Variants in ANKEF1 observed in about 807,000 individuals in gnomAD.
The protein encoded by ANKEF1 is ankyrin repeat and EF-hand domain-containing protein 1.
Under a neutral mutation model 65.1 loss-of-function variants are expected in ANKEF1, and 43 were observed. That is an observed-to-expected ratio of 0.66 (90% CI 0.52 to 0.85). ANKEF1 has a LOEUF of 0.85. Ranked by LOEUF, ANKEF1 falls within the 40% of genes least tolerant of loss-of-function variation. The probability of loss-of-function intolerance (pLI) is 0.00; values close to 1 mark genes in which losing one functional copy is unlikely to be tolerated. For synonymous variants in ANKEF1, 316 were observed against 341.5 expected, an observed-to-expected ratio of 0.93 and a Z score of 0.82; for missense variants, 934 against 952.9, an observed-to-expected ratio of 0.98 and a Z score of 0.26.
chr20:10,052,008 A>C, intron 8 of ANKEF1, 119 bp downstream of exon 8: 1 of 740,832 alleles, frequency 1.3e-6, no homozygotes. Context: ...TGGTACAAAC[A>C]CAAGCCTGAG....
chr20:10,053,381 T>G, intron 9 of ANKEF1, 106 bp downstream of exon 9: 7 of 926,928 alleles, frequency 7.6e-6, no homozygotes, highest in Non-Finnish European at 1.1e-5. Context: ...ATGGGTAAGA[T>G]AATATGCAGT....
chr20:10,045,947 T>C (rs1213785095), intron 6 of ANKEF1, among the ~76,000 whole-genome samples: 1 of 152,150 alleles, frequency 6.6e-6, no homozygotes, highest in Non-Finnish European at 1.5e-5. Flanking sequence ...CTAAAGGGGA[T>C]TGTTCCTGAG....
rs144689037 is a variant in ANKEF1 at position 10,045,134 on chromosome 20, G to C, written c.697-440G>C. On this transcript the variant is annotated intron_variant, in intron 5 of 10. Transcript: ENST00000378392. ...ATCTTCATTTATATCACTATTTTCCGTGCAATAAAAGTATACACAAAGATA... is the reference window on the plus strand; with the variant it reads ...ATCTTCATTTATATCACTATTTTCCCTGCAATAAAAGTATACACAAAGATA... Among the ~76,000 whole-genome samples the C allele has an allele frequency of 6.1e-4, 93 of 151,730 alleles. 2 individuals are homozygous for C. The South Asian group carries it at 0.012, about 20-fold the overall frequency.
intron 5 of ANKEF1, among the ~76,000 whole-genome samples, 169 bp from the exon 6 acceptor site, chr20:10,045,405 C>T (rs183824654): frequency 6.6e-6 from 1 of 152,238 alleles, no homozygotes; most frequent in Non-Finnish European, 1.5e-5. Flanking sequence ...GCTAGTGAAA[C>T]AAACAAATGA....
intron 5 of ANKEF1, 120 bp downstream of exon 5, chr20:10,044,663 TG>T: frequency 1.2e-6 from 1 of 842,158 alleles, no homozygotes; most frequent in South Asian, 3.4e-5. Flanking sequence ...TTACCTATGT[TG>T]TTTTCATCTT....
At chr20:10,047,872 A>G (rs1282918843) in intron 6 of ANKEF1, among the ~76,000 whole-genome samples, 2 of 152,244 alleles carry the variant, frequency 1.3e-5, no homozygotes, top group African/African-American at 4.8e-5. Context: ...GGAGTCTTTT[A>G]TACACATGGA....
rs1423827536 is a variant in ANKEF1, at chr20:10,049,581, G to A, written c.1012G>A (p.Ala338Thr). ...GCACGATTGGTCCGTAGAACGTGAG[G>A]CTTTCCTCCGGGAAGCCTTTGCGGT... ...RLHDWSVEREAFLREAFAVLD... is the reference protein window; with the variant it reads ...RLHDWSVERETFLREAFAVLD... Residue 338 changes from alanine (A) to threonine (T), a missense_variant, in exon 7 of 11, where the codon GCT becomes ACT. Physicochemically the swap from Ala to Thr is moderately conservative, Grantham distance 58 (BLOSUM62 0). Coordinates refer to ENST00000378392, the MANE Select transcript of ANKEF1 (RefSeq NM_022096.6). 1 of 1,614,154 alleles carries A rather than the reference G, an allele frequency of 6.2e-7. No individual in the cohort carries two copies. Among genetic ancestry groups the A allele is most frequent in the Non-Finnish European group, 8.5e-7 (1 of 1,180,016 alleles).
At chr20:10,048,373 G>T (rs980500880) in intron 6 of ANKEF1, among the ~76,000 whole-genome samples, 1 of 151,836 alleles carries the variant, frequency 6.6e-6, no homozygotes, top group African/African-American at 2.4e-5. Context: ...CTCTAGAATG[G>T]GGTATCCATC....
chr20:10,047,498 T>C (rs2024802), intron 6 of ANKEF1, among the ~76,000 whole-genome samples: 26,587 of 152,208 alleles, frequency 0.17, 2,520 homozygotes, highest in East Asian at 0.27. Context: ...GCTTAGTCTC[T>C]TCTGTACTTA....
In ANKEF1 at chr20:10,056,696, T is replaced by G. The variant is rs1349414089; in HGVS notation, c.*1036T>G. The G allele has an allele frequency of 6.6e-6, 1 of 152,106 alleles. No individual in the cohort carries two copies. The highest frequency in any genetic ancestry group is 2.1e-4 in the South Asian group (1 of 4,824). The allele number at this position is 152,106 out of a possible 1,614,324, so 9.4% of individuals were successfully genotyped here. On this transcript the variant is annotated 3_prime_UTR_variant, in exon 11 of 11. Coordinates refer to ENST00000378392, the MANE Select transcript of ANKEF1 (RefSeq NM_022096.6). ...TCTTCTTCATCATGGAAACCTCAGT[T>G]TTGTTCATACACCTAAATACTTCAG...
Position 10,051,892 on chromosome 20 carries a change from A to G in ANKEF1, c.1870+3A>G, listed in dbSNP as rs768581653. 4 of 1,591,388 alleles carry G rather than the reference A, an allele frequency of 2.5e-6. No individual in the cohort carries two copies. Among genetic ancestry groups the G allele is most frequent in the African/African-American group, 2.7e-5 (2 of 74,458 alleles). On this transcript the variant is annotated splice_donor_region_variant and intron_variant, in intron 8 of 10. Transcript: ENST00000378392. ...ATTCCAGCTGGAAAATAGAAAAGGT[A>G]TGCGTTCATATTATTGATGATTAGG...
At position 10,053,237 on chromosome 20, in the gene ANKEF1, A is replaced by G. The variant is rs138636954; in HGVS notation, c.1996A>G (p.Ile666Val). 8 of 1,608,886 alleles carry G rather than the reference A, an allele frequency of 5.0e-6. No individual in the cohort carries two copies. The African/African-American group carries it at 5.4e-5, about 11-fold the overall frequency. Residue 666 changes from isoleucine (I) to valine (V), a missense_variant, in exon 9 of 11, where the codon ATA (isoleucine) becomes GTA (valine). By Grantham distance (29) the Ile-to-Val change is conservative. Transcript: ENST00000378392. The stretch of plus-strand genomic sequence containing the variant: ...AAAACTAAAAGGCAAGACACCTCCT[A>G]TACTGAAGACTGAAGGCCCTGAAAT... ...NQKLKGKTPP[I>V]LKTEGPEIKK... is the part of the protein sequence containing the mutation.
intron 2 of ANKEF1, among the ~76,000 whole-genome samples, 184 bp downstream of exon 2, chr20:10,035,826 C>T (rs1238070630): frequency 6.6e-6 from 1 of 152,144 alleles, no homozygotes; most frequent in African/African-American, 2.4e-5. Flanking sequence ...GTTAAATGAC[C>T]TGAACACACA....
At position 10,058,088 on chromosome 20, in the gene ANKEF1, C is replaced by A. The variant is rs961380435; in HGVS notation, c.*2428C>A. ...TATCAGGAGGCACATGATGTTGATA[C>A]CTGATATAAACTTTAACTGCATTTG... On this transcript the variant is annotated 3_prime_UTR_variant, in exon 11 of 11. Coordinates refer to ENST00000378392, the MANE Select transcript of ANKEF1 (RefSeq NM_022096.6). 6.6e-6 allele frequency: 1 copy of A among 152,054 alleles called. No homozygotes were observed. Among genetic ancestry groups the A allele is most frequent in the Admixed American group, 6.6e-5 (1 of 15,266 alleles). The allele number at this position is 152,054 out of a possible 1,614,324, so 9.4% of individuals were successfully genotyped here.
At position 10,055,886 on chromosome 20, in the gene ANKEF1, T is replaced by A; in HGVS notation, c.*226T>A. The A allele has an allele frequency of 2.0e-6, 1 of 507,786 alleles. No individual in the cohort carries two copies. The highest frequency in any genetic ancestry group is 3.5e-6 in the Non-Finnish European group (1 of 283,234). The allele number at this position is 507,786 out of a possible 1,614,324, so 31.5% of individuals were successfully genotyped here. On this transcript the variant is annotated 3_prime_UTR_variant, in exon 11 of 11. Coordinates refer to ENST00000378392, the MANE Select transcript of ANKEF1 (RefSeq NM_022096.6). ...TTCTGGATAAATCCCCAAGCCCCTTTATGAATGTAGTGAAATACATGGCAT... is the reference window on the plus strand; with the variant it reads ...TTCTGGATAAATCCCCAAGCCCCTTAATGAATGTAGTGAAATACATGGCAT...
chr20:10,044,610 T>G (rs1984402780), intron 5 of ANKEF1, 67 bp downstream of exon 5: 24 of 1,569,252 alleles, frequency 1.5e-5, no homozygotes, highest in Non-Finnish European at 2.0e-5. Context: ...TCAAATTTTT[T>G]TATATGTCAT....
In ANKEF1 at chr20:10,039,752, C is replaced by T. The variant is rs189489626; in HGVS notation, c.346+1105C>T. On this transcript the variant is annotated intron_variant, in intron 3 of 10. Transcript: ENST00000378392. ...AGTACTACAGGCAAAATTGGTTCCA[C>T]GGTCGCATTCATTAGAGACACATTT... Among the ~76,000 whole-genome samples the T allele has an allele frequency of 9.9e-5, 15 of 152,250 alleles. No individual in the cohort carries two copies. In the East Asian group the frequency reaches 2.3e-3, roughly 24 times the overall value.
rs914112934 is a variant in ANKEF1, at chr20:10,056,649, C to A, written c.*989C>A. The A allele has an allele frequency of 6.6e-6, 1 of 152,004 alleles. No individual in the cohort carries two copies. The highest frequency in any genetic ancestry group is 1.5e-5 in the Non-Finnish European group (1 of 67,996). 9.4% of individuals were successfully genotyped at this position (152,004 alleles called of 1,614,324 possible). A position where few individuals can be genotyped will look rare whatever the true frequency, so the allele number is the denominator to read the frequency against. On this transcript the variant is annotated 3_prime_UTR_variant, in exon 11 of 11. Transcript: ENST00000378392. ...AGGCTGGAAACATGCAGGAGCTGTC[C>A]CTGAAGTCCACAAGTGGAATTTCTT...
intron 3 of ANKEF1, among the ~76,000 whole-genome samples, chr20:10,039,763 A>T (rs1016188035): frequency 2.0e-5 from 3 of 152,198 alleles, no homozygotes; most frequent in African/African-American, 7.2e-5. Flanking sequence ...GGTCGCATTC[A>T]TTAGAGACAC....
Sources: gnomAD v4.1 joint callset for allele counts (sites outside exome capture counted in the v4.1 genomes callset) on GRCh38, gnomAD v4.1.1 for gene constraint, MANE v1.5 for transcripts, NCBI Gene and HGNC (gene_info 2026-07-23, HGNC 2026-07-21) for gene names.